FAM186A: variants seen among roughly 807,000 people sequenced by gnomAD.
FAM186A encodes the protein protein FAM186A.
FAM186A carries 163 observed loss-of-function variants against 216.8 expected under a neutral mutation model. That is an observed-to-expected ratio of 0.75 (90% CI 0.66 to 0.86). FAM186A has a LOEUF of 0.86. FAM186A is among the 40% of genes least tolerant of loss of function. The pLI is 0.00. For missense variants in FAM186A, 2,184 were observed against 2,746.2 expected (o/e 0.80, Z 4.58); for synonymous variants, 805 against 1,025.3 (o/e 0.79, Z 4.10).
chr12:50,368,966 A>T (rs748744570), intron 1 of FAM186A, among the ~76,000 whole-genome samples: 56 of 135,696 alleles, frequency 4.1e-4, no homozygotes, highest in African/African-American at 1.5e-3. Context: ...ACAGTCTTTT[A>T]AAAAAAAAAA....
Position 50,363,256 on chromosome 12 carries a change from G to A in FAM186A, c.301C>T (p.His101Tyr). 1 of 1,551,344 alleles carries A rather than the reference G, an allele frequency of 6.4e-7. No individual in the cohort carries two copies. Reference sequence around the variant, plus strand: ...AAATTGGTTCTCTGTTTTTTCTTATGTTCTGTAAGGGAGACATTCCTTTCA... The same window carrying A: ...AAATTGGTTCTCTGTTTTTTCTTATATTCTGTAAGGGAGACATTCCTTTCA... Reference protein sequence around the residue: ...SSERNVSLTEHKKKQRTNFLE... With the variant: ...SSERNVSLTEYKKKQRTNFLE... The change falls in exon 2 of 8, where the codon CAT becomes TAT. Residue 101 changes from histidine to tyrosine, a missense_variant. Transcript: ENST00000327337.
intron 1 of FAM186A, among the ~76,000 whole-genome samples, chr12:50,384,004 G>A (rs548727819): frequency 6.6e-6 from 1 of 152,200 alleles, no homozygotes; most frequent in East Asian, 1.9e-4. Context: ...TATAGTCCCA[G>A]CTACTCACGA....
At chr12:50,369,313 C>G (rs1057221951) in intron 1 of FAM186A, among the ~76,000 whole-genome samples, 1 of 151,388 alleles carries the variant, frequency 6.6e-6, no homozygotes, top group Non-Finnish European at 1.5e-5. Context: ...CATGGTGAAA[C>G]CCCGTCTCTA....
At chr12:50,348,485 A>C (rs1490192370) in intron 4 of FAM186A, among the ~76,000 whole-genome samples, 2 of 151,586 alleles carry the variant, frequency 1.3e-5, no homozygotes, top group Admixed American at 1.3e-4. Flanking sequence ...GGCATCCCAA[A>C]GTGCTGGGGT....
At chr12:50,366,609 C>A (rs1592621529) in intron 1 of FAM186A, among the ~76,000 whole-genome samples, 7 of 72,854 alleles carry the variant, frequency 9.6e-5, no homozygotes, top group Middle Eastern at 0.013. Flanking sequence ...TGCAATGTGC[C>A]AAATGAATAG....
chr12:50,388,580 T>C lies in FAM186A; in HGVS notation c.192+7713A>G, dbSNP rs1422401453. 4.0e-5 allele frequency among the ~76,000 whole-genome samples: 6 copies of C among 150,424 alleles called. 1 individual carries two copies. ...GTTGCGGTGAGCTGAGAATGCACCATTGCACTCCAGTGTGGGCAACAAGAG... is the reference window on the plus strand; with the variant it reads ...GTTGCGGTGAGCTGAGAATGCACCACTGCACTCCAGTGTGGGCAACAAGAG... On this transcript the variant is annotated intron_variant, in intron 1 of 7. Transcript: ENST00000327337.
At chr12:50,376,234 G>A (rs1592628311) in intron 1 of FAM186A, among the ~76,000 whole-genome samples, 2 of 152,278 alleles carry the variant, frequency 1.3e-5, no homozygotes, top group East Asian at 3.9e-4. Flanking sequence ...GAGCAAGCTG[G>A]GGATGTGTTA....
At chr12:50,348,102 T>TCTCTGCTCACTGCAAC (rs1942839040) in intron 4 of FAM186A, among the ~76,000 whole-genome samples, 1 of 136,964 alleles carries the variant, frequency 7.3e-6, no homozygotes, top group Non-Finnish European at 1.5e-5. Context: ...TGGAGTGCAA[T>TCTCTGCTCACTGCAAC]GGCGCAATCT....
chr12:50,365,575 A>G, intron 1 of FAM186A: 1 of 421,140 alleles, frequency 2.4e-6, no homozygotes, highest in Non-Finnish European at 4.2e-6. Context: ...CTTTCTCTAC[A>G]GTCCGTATAA....
chr12:50,340,138 T>A (rs967707928), intron 4 of FAM186A, among the ~76,000 whole-genome samples: 6 of 152,138 alleles, frequency 3.9e-5, no homozygotes, highest in African/African-American at 1.4e-4. Flanking sequence ...GTGCCCTGCC[T>A]GTCTTACTGA....
chr12:50,329,206 A>G (rs1388923033), intron 7 of FAM186A, among the ~76,000 whole-genome samples: 1 of 152,224 alleles, frequency 6.6e-6, no homozygotes, highest in East Asian at 1.9e-4. Context: ...TGGTTAGGTC[A>G]GAAGGATATC....
At chr12:50,379,577 G>A (rs367940521) in intron 1 of FAM186A, among the ~76,000 whole-genome samples, 4 of 151,410 alleles carry the variant, frequency 2.6e-5, no homozygotes, top group African/African-American at 4.8e-5. Flanking sequence ...ACCTGAGGTC[G>A]GGAGTTAGAG....
At position 50,351,143 on chromosome 12, in the gene FAM186A, A is replaced by G; in HGVS notation, c.5689T>C (p.Ser1897Pro). The G allele has an allele frequency of 1.3e-6, 2 of 1,551,448 alleles. No homozygotes were observed. The highest frequency in any genetic ancestry group is 1.7e-6 in the Non-Finnish European group (2 of 1,146,950). The change falls in exon 4 of 8, where the codon TCT becomes CCT. Residue 1897 changes from serine (S) to proline (P), a missense_variant. By Grantham distance (74) the Ser-to-Pro change is moderately conservative. Around this residue, in one of 7 missense-constraint regions of FAM186A, gnomAD observed 721 missense variants for 816.4 expected, o/e 0.88. Coordinates refer to ENST00000327337, the MANE Select transcript of FAM186A (RefSeq NM_001145475.3). ...GTAGAAGGAGCCTGCAGATAGGGAGATTGCTCAGCAGTGGCAGGAGGCTGG... is the reference window on the plus strand; with the variant it reads ...GTAGAAGGAGCCTGCAGATAGGGAGGTTGCTCAGCAGTGGCAGGAGGCTGG... The part of the protein sequence containing the change: ...EFQPPATAEQ[S>P]PYLQAPSTPG...
At chr12:50,365,270 C>G (rs1943077208) in intron 1 of FAM186A, among the ~76,000 whole-genome samples, 1 of 152,044 alleles carries the variant, frequency 6.6e-6, no homozygotes, top group Non-Finnish European at 1.5e-5. Flanking sequence ...CCATTTGTGT[C>G]TTTCATATTT....
chr12:50,396,213 T>C (rs1189295836), intron 1 of FAM186A, 80 bp downstream of exon 1: 1 of 1,342,080 alleles, frequency 7.5e-7, no homozygotes, highest in African/African-American at 1.5e-5. Context: ...AAGTGATTTC[T>C]AAAATAAACA....
intron 1 of FAM186A, among the ~76,000 whole-genome samples, chr12:50,372,789 G>A (rs1347554821): frequency 2.6e-4 from 39 of 149,974 alleles, no homozygotes; most frequent in African/African-American, 7.6e-4. Flanking sequence ...GTAATCCCAG[G>A]TACTTGGGAG....
chr12:50,342,725 A>G (rs1037540687), intron 4 of FAM186A, among the ~76,000 whole-genome samples: 1 of 150,800 alleles, frequency 6.6e-6, no homozygotes, highest in Middle Eastern at 3.2e-3. Context: ...CACCCGCCTC[A>G]GCCTCCCAAA....
chr12:50,331,632 A>G (rs1018486738), intron 6 of FAM186A, 38 bp downstream of exon 6: 2 of 1,517,998 alleles, frequency 1.3e-6, no homozygotes, highest in African/African-American at 2.8e-5. Context: ...GGTCCCACAT[A>G]TCGTCCAAAG....
At chr12:50,367,388 G>A (rs966431059) in intron 1 of FAM186A, among the ~76,000 whole-genome samples, 28 of 151,624 alleles carry the variant, frequency 1.8e-4, no homozygotes, top group Non-Finnish European at 3.7e-4. Flanking sequence ...CATGGTGGCA[G>A]GTGCCTGTAG....
Sources: allele counts gnomAD v4.1 joint callset (sites outside exome capture counted in the v4.1 genomes callset), GRCh38; gene constraint gnomAD v4.1.1; regional missense constraint gnomAD v4.1.1; transcripts MANE v1.5; gene names NCBI Gene and HGNC (gene_info 2026-07-23, HGNC 2026-07-21).